Variants in KCNK2 observed in about 807,000 individuals in gnomAD.
The protein encoded by KCNK2 is potassium two pore domain channel subfamily K member 2, also known as potassium channel subfamily K member 2.
Under a neutral mutation model 40.5 loss-of-function variants are expected in KCNK2, and 21 were observed. The observed-to-expected ratio is 0.52, with a 90% CI of 0.37 to 0.75. The LOEUF (loss-of-function observed/expected upper bound fraction) is 0.75, where lower values mean the gene tolerates loss of function less well. Among genes scored for constraint, KCNK2 ranks in the 30% least tolerant of loss-of-function variants. The pLI, the probability that KCNK2 is intolerant of heterozygous loss-of-function variation, is 0.00. For missense variants in KCNK2, 399 were observed against 531.6 expected (o/e 0.75, Z 2.45); for synonymous variants, 191 against 202.2 (o/e 0.94, Z 0.47).
chr1:215,086,892 C>T (rs775934146), intron 2 of KCNK2, among the ~76,000 whole-genome samples: 2 of 152,156 alleles, frequency 1.3e-5, no homozygotes, highest in Non-Finnish European at 2.9e-5. Flanking sequence ...TCTTCTCTTC[C>T]TCTTTTAGTT....
intron 1 of KCNK2, among the ~76,000 whole-genome samples, chr1:215,024,277 G>A (rs1485423846): frequency 1.3e-5 from 2 of 152,170 alleles, no homozygotes; most frequent in Admixed American, 1.3e-4. Flanking sequence ...CCAGTATTAG[G>A]TAAAGGACTT....
At chr1:215,029,614 A>G (rs1657116741) in intron 1 of KCNK2, among the ~76,000 whole-genome samples, 1 of 147,430 alleles carries the variant, frequency 6.8e-6, no homozygotes, top group South Asian at 2.1e-4. Context: ...ATATTAATAT[A>G]TATTTAATAT....
intron 6 of KCNK2, among the ~76,000 whole-genome samples, chr1:215,196,889 AAC>A (rs953716991): frequency 6.6e-5 from 10 of 152,216 alleles, no homozygotes; most frequent in African/African-American, 2.4e-4. Flanking sequence ...TGGATTTGAA[AAC>A]ACATGCACAC....
chr1:215,060,670 C>A (rs1234003887), intron 1 of KCNK2, among the ~76,000 whole-genome samples: 1 of 152,116 alleles, frequency 6.6e-6, no homozygotes, highest in Admixed American at 6.5e-5. Context: ...GTGTGTGTTA[C>A]TTTTGTATCA....
At chr1:215,147,207 T>A (rs1662458391) in intron 3 of KCNK2, among the ~76,000 whole-genome samples, 1 of 152,182 alleles carries the variant, frequency 6.6e-6, no homozygotes, top group African/African-American at 2.4e-5. Flanking sequence ...CCCATAAACC[T>A]TGCATCTATG....
At chr1:215,051,736 T>C (rs1265698051) in intron 1 of KCNK2, among the ~76,000 whole-genome samples, 1 of 152,136 alleles carries the variant, frequency 6.6e-6, no homozygotes, top group Non-Finnish European at 1.5e-5. Flanking sequence ...AAGATCCGTA[T>C]ATGGCTAGAG....
chr1:215,096,181 T>TATGG (rs1659968783), intron 2 of KCNK2, among the ~76,000 whole-genome samples: 3 of 151,952 alleles, frequency 2.0e-5, no homozygotes, highest in Admixed American at 1.3e-4. Flanking sequence ...TATAAGCATA[T>TATGG]ATGGATATAC....
intron 6 of KCNK2, among the ~76,000 whole-genome samples, chr1:215,232,196 TTCA>T (rs1428550158): frequency 2.0e-5 from 3 of 152,190 alleles, no homozygotes; most frequent in African/African-American, 4.8e-5. Context: ...TATCCAAATG[TTCA>T]TCAATAGGGG....
chr1:215,207,181 T>C (rs1490467655), intron 6 of KCNK2, among the ~76,000 whole-genome samples: 1 of 152,172 alleles, frequency 6.6e-6, no homozygotes, highest in Non-Finnish European at 1.5e-5. Flanking sequence ...TACTGGTCCA[T>C]GGTCTGTTAG....
intron 2 of KCNK2, among the ~76,000 whole-genome samples, chr1:215,114,804 GT>G (rs929697389): frequency 2.7e-4 from 41 of 152,230 alleles, no homozygotes; most frequent in African/African-American, 9.6e-4. Context: ...GAAATTTCTT[GT>G]AGGTTATTAA....
chr1:215,042,936 A>G (rs947965485), intron 1 of KCNK2, among the ~76,000 whole-genome samples: 2 of 152,188 alleles, frequency 1.3e-5, no homozygotes, highest in African/African-American at 4.8e-5. Context: ...AGGCTCTCTT[A>G]TTGAATTTAA....
chr1:215,209,409 A>ATCTAT, intron 6 of KCNK2, among the ~76,000 whole-genome samples: 2 of 21,934 alleles, frequency 9.1e-5, no homozygotes, highest in South Asian at 3.0e-3. Context: ...TAAAATATGC[A>ATCTAT]TATATTATAT....
chr1:215,080,490 A>G (rs148996115), upstream of KCNK2, among the ~76,000 whole-genome samples: 202 of 152,356 alleles, frequency 1.3e-3, no homozygotes, highest in African/African-American at 4.4e-3. Context: ...CCTGGTTCCA[A>G]ATACCTGGAG....
intron 2 of KCNK2, among the ~76,000 whole-genome samples, chr1:215,119,456 A>T (rs552959203): frequency 6.6e-6 from 1 of 152,284 alleles, no homozygotes; most frequent in South Asian, 2.1e-4. Context: ...GTATGAGTAT[A>T]AGCCTCCTAG....
rs199497700 is a variant in KCNK2 at position 215,006,997 on chromosome 1, CTATATATATATATATATATATA to C, written c.34+1062_34+1083del. 1.7e-3 allele frequency among the ~76,000 whole-genome samples: 139 copies of C among 81,690 alleles called. 1 individual carries two copies. Among genetic ancestry groups the C allele is most frequent in the Middle Eastern group, 0.016 (2 of 122 alleles). 53.6% of individuals were successfully genotyped at this position (81,690 alleles called of 152,430 possible). A position where few individuals can be genotyped will look rare whatever the true frequency, so the allele number is the denominator to read the frequency against. ...ATCACTAAGTTTGGGGACCAATTCACTATATATATATATATATATATATATATATATATATATATATGTGTGT... is the reference window on the plus strand; with the variant it reads ...ATCACTAAGTTTGGGGACCAATTCACTATATATATATATATATATGTGTGT... On this transcript the variant is annotated intron_variant, in intron 1 of 6. Coordinates refer to the KCNK2 transcript ENST00000391895.
intron 2 of KCNK2, among the ~76,000 whole-genome samples, chr1:215,102,834 T>C (rs530625442): frequency 1.3e-5 from 2 of 152,126 alleles, no homozygotes; most frequent in Admixed American, 6.6e-5. Flanking sequence ...CTCTACCATA[T>C]AGTCTGGGCG....
chr1:215,174,122 T>C (rs1183746943), intron 5 of KCNK2, among the ~76,000 whole-genome samples: 2 of 151,928 alleles, frequency 1.3e-5, no homozygotes, highest in Middle Eastern at 3.4e-3. Context: ...TTTAAGTCTT[T>C]AATCCATCTT....
chr1:215,171,216 T>C (rs919150058), intron 4 of KCNK2, among the ~76,000 whole-genome samples: 1 of 152,180 alleles, frequency 6.6e-6, no homozygotes, highest in African/African-American at 2.4e-5. Flanking sequence ...GTTGTATATA[T>C]ACCAACTTCA....
chr1:215,015,192 G>A (rs1490804180), intron 1 of KCNK2, among the ~76,000 whole-genome samples: 1 of 152,012 alleles, frequency 6.6e-6, no homozygotes, highest in Non-Finnish European at 1.5e-5. Flanking sequence ...CTTATCTCTA[G>A]TGTCTCAGAT....
Sources: gnomAD v4.1 joint callset for allele counts (sites outside exome capture counted in the v4.1 genomes callset) on GRCh38, gnomAD v4.1.1 for gene constraint, MANE v1.5 for transcripts, NCBI Gene and HGNC (gene_info 2026-07-23, HGNC 2026-07-21) for gene names.